SLC35F5: variants seen among roughly 807,000 people sequenced by gnomAD.
The protein encoded by SLC35F5 is HCV NS5A-transactivated protein 3.
A neutral mutation model predicts 68.6 loss-of-function variants in SLC35F5; 54 were observed. The observed-to-expected ratio is 0.79, with a 90% confidence interval of 0.63 to 0.99. The LOEUF (loss-of-function observed/expected upper bound fraction) is 0.99. Ranked by LOEUF, SLC35F5 falls within the 50% of genes least tolerant of loss-of-function variation. The pLI is 0.00. For synonymous variants in SLC35F5, 211 were observed against 205.2 expected (o/e 1.03, Z -0.24); for missense variants, 567 against 626.9 (o/e 0.90, Z 1.02).
In SLC35F5 at chr2:113,731,574, C is replaced by T; in HGVS notation, c.985+10G>A. 6.2e-7 allele frequency: 1 copy of T among 1,609,042 alleles called. No individual in the cohort carries two copies. Among genetic ancestry groups the T allele is most frequent in the Non-Finnish European group, 8.5e-7 (1 of 1,175,614 alleles). Reference sequence around the variant, plus strand: ...ACTCTAACAGAGAGAATCCAGAGTCCAGTACTTACCTACTGTGTCTCTTCC... The same window carrying T: ...ACTCTAACAGAGAGAATCCAGAGTCTAGTACTTACCTACTGTGTCTCTTCC... On this transcript the variant is annotated intron_variant, in intron 10 of 15. Coordinates refer to ENST00000245680, the MANE Select transcript of SLC35F5 (RefSeq NM_025181.5).
At position 113,713,922 on chromosome 2, in the gene SLC35F5, A is replaced by G. The variant is rs912761246; in HGVS notation, c.*1296T>C. 9.9e-5 allele frequency: 15 copies of G among 152,178 alleles called. No homozygotes were observed. Among genetic ancestry groups the G allele is most frequent in the African/African-American group, 3.6e-4 (15 of 41,458 alleles). The allele number at this position is 152,178 out of a possible 1,614,324, so 9.4% of individuals were successfully genotyped here. A position where few individuals can be genotyped will look rare whatever the true frequency, so the allele number is the denominator to read the frequency against. ...ATTTTAAGAATGTGAATAGGAAGCT[A>G]AACACTGCAAAGAGAATTCTTAAAA... On this transcript the variant is annotated 3_prime_UTR_variant, in exon 16 of 16. Coordinates refer to ENST00000245680, the MANE Select transcript of SLC35F5 (RefSeq NM_025181.5).
chr2:113,738,556 A>G (rs981267406), intron 7 of SLC35F5, among the ~76,000 whole-genome samples: 2 of 152,070 alleles, frequency 1.3e-5, no homozygotes, highest in Admixed American at 1.3e-4. Context: ...TAAAATAAAC[A>G]TGGAGGTACA....
rs1411321033 is a variant in SLC35F5 at position 113,712,004 on chromosome 2, C to T, written c.*3214G>A. On this transcript the variant is annotated 3_prime_UTR_variant, in exon 16 of 16. Transcript: ENST00000245680. The stretch of plus-strand genomic sequence containing the variant: ...TTCCAGAGAAGTCATACCTTGCATA[C>T]CCTGGAGTCATACCTCAAATTGGCT... Among the ~76,000 whole-genome samples the T allele has an allele frequency of 1.3e-5, 2 of 152,190 alleles. No individual in the cohort carries two copies. Among genetic ancestry groups the T allele is most frequent in the South Asian group, 4.1e-4 (2 of 4,828 alleles).
intron 5 of SLC35F5, among the ~76,000 whole-genome samples, chr2:113,744,744 C>G (rs1369693193): frequency 1.3e-5 from 2 of 152,078 alleles, no homozygotes; most frequent in Non-Finnish European, 2.9e-5. Context: ...CAGAGCGAGA[C>G]TCCATCTCAA....
Position 113,755,466 on chromosome 2 carries a change from G to A in SLC35F5, c.119C>T (p.Ala40Val). The A allele has an allele frequency of 6.2e-7, 1 of 1,614,088 alleles. No individual in the cohort carries two copies. The highest frequency in any genetic ancestry group is 2.2e-5 in the East Asian group (1 of 44,880). Residue 40 changes from alanine to valine, a missense_variant, in exon 2 of 16, where the codon GCT (alanine) becomes GTT (valine). Coordinates refer to ENST00000245680, the MANE Select transcript of SLC35F5 (RefSeq NM_025181.5). Reference protein sequence around the residue: ...SGIALEDLRRALKTRLQMVCV... With the variant: ...SGIALEDLRRVLKTRLQMVCV... ...ACGTGGAATCTACCTTGTCTTAAGA[G>A]CCCTTCTGAGATCCTCAAGAGCAAT...
At chr2:113,730,328 CA>C (rs1455186056) in intron 10 of SLC35F5, among the ~76,000 whole-genome samples, 1 of 152,162 alleles carries the variant, frequency 6.6e-6, no homozygotes, top group Non-Finnish European at 1.5e-5. Flanking sequence ...ATACTTTAAT[CA>C]ATTATTCAAA....
intron 14 of SLC35F5, among the ~76,000 whole-genome samples, chr2:113,718,474 G>A (rs1398032295): frequency 6.6e-6 from 1 of 152,090 alleles, no homozygotes. Context: ...ACCAATAAAA[G>A]TTTTCTATAT....
intron 14 of SLC35F5, among the ~76,000 whole-genome samples, chr2:113,718,613 C>T (rs1320165311): frequency 2.0e-5 from 3 of 152,044 alleles, no homozygotes; most frequent in Admixed American, 6.6e-5. Flanking sequence ...CTGGCCAACA[C>T]GGTGAAACCT....
chr2:113,720,131 C>T (rs1687369152), intron 13 of SLC35F5, among the ~76,000 whole-genome samples: 1 of 151,286 alleles, frequency 6.6e-6, no homozygotes, highest in South Asian at 2.1e-4. Flanking sequence ...AAAACTCATT[C>T]TTCCCTTTCA....
At chr2:113,716,784 T>C (rs1687198904) in intron 15 of SLC35F5, among the ~76,000 whole-genome samples, 1 of 152,156 alleles carries the variant, frequency 6.6e-6, no homozygotes, top group Non-Finnish European at 1.5e-5. Context: ...CAAAAAGTCT[T>C]GGAGAACTAG....
At chr2:113,755,609 G>A (rs1676947993) in intron 1 of SLC35F5, 65 bp from the exon 2 acceptor site, 1 of 1,416,186 alleles carries the variant, frequency 7.1e-7, no homozygotes, top group Non-Finnish European at 9.9e-7. Context: ...TCATCACATC[G>A]TTTTTTACTC....
intron 8 of SLC35F5, 37 bp downstream of exon 8, chr2:113,735,740 G>A: frequency 1.4e-6 from 2 of 1,381,212 alleles, no homozygotes; most frequent in Non-Finnish European, 2.0e-6. Context: ...TACATACACT[G>A]ATTTATAATG....
chr2:113,741,420 G>T lies in SLC35F5; in HGVS notation c.750+1272C>A, dbSNP rs981639531. Among the ~76,000 whole-genome samples the T allele has an allele frequency of 1.2e-4, 19 of 152,284 alleles. No individual in the cohort carries two copies. In the Middle Eastern group the frequency reaches 0.01, roughly 82 times the overall value. On this transcript the variant is annotated intron_variant, in intron 7 of 15. Transcript: ENST00000245680. ...TACTGTACACTTAAAAATGATCAGG[G>T]CCAGGAGCAGTGGCTCATGCCTGTA...
At chr2:113,729,376 C>T (rs772650679) in intron 11 of SLC35F5, 25 bp downstream of exon 11, 1 of 1,197,830 alleles carries the variant, frequency 8.3e-7, no homozygotes, top group South Asian at 1.4e-5. Context: ...GAGTAAATAG[C>T]CTCCCAAGTT....
intron 7 of SLC35F5, among the ~76,000 whole-genome samples, chr2:113,739,738 T>C (rs926574679): frequency 6.6e-6 from 1 of 152,126 alleles, no homozygotes; most frequent in Admixed American, 6.5e-5. Context: ...TTGAACAACA[T>C]GGAGATTAGG....
intron 7 of SLC35F5, among the ~76,000 whole-genome samples, chr2:113,740,891 C>T (rs1676246713): frequency 6.6e-6 from 1 of 152,176 alleles, no homozygotes; most frequent in African/African-American, 2.4e-5. Flanking sequence ...TCCCAAAGTG[C>T]TGGGACTACG....
intron 11 of SLC35F5, 94 bp from the exon 12 acceptor site, chr2:113,725,631 A>G (rs1040369789): frequency 1.9e-5 from 23 of 1,218,964 alleles, no homozygotes; most frequent in Middle Eastern, 2.9e-4. Context: ...TTTGCACAAA[A>G]GCACTCTGGG....
downstream of SLC35F5, among the ~76,000 whole-genome samples, chr2:113,706,684 G>A (rs62168822): frequency 2.4e-4 from 36 of 152,132 alleles, no homozygotes; most frequent in Non-Finnish European, 2.5e-4. Flanking sequence ...TCAAATACCC[G>A]AGACACATCT....
At chr2:113,721,994 A>ATTTTTT (rs1687460390) in intron 13 of SLC35F5, among the ~76,000 whole-genome samples, 1 of 51,916 alleles carries the variant, frequency 1.9e-5, no homozygotes, top group Non-Finnish European at 4.1e-5. Context: ...TTTTTTTTTG[A>ATTTTTT]GATGGAGTCT....
Sources: allele counts gnomAD v4.1 joint callset (sites outside exome capture counted in the v4.1 genomes callset), GRCh38; gene constraint gnomAD v4.1.1; transcripts MANE v1.5; gene names NCBI Gene and HGNC (gene_info 2026-07-23, HGNC 2026-07-21).